P4HA1: variants seen among roughly 807,000 people sequenced by gnomAD.
P4HA1 encodes the protein prolyl 4-hydroxylase subunit alpha 1.
P4HA1 carries 24 observed loss-of-function variants against 72.8 expected under a neutral mutation model. The observed-to-expected ratio is 0.33, with a 90% CI of 0.24 to 0.46. The LOEUF (loss-of-function observed/expected upper bound fraction) is 0.46, where lower values mean the gene tolerates loss of function less well. Ranked by LOEUF, P4HA1 falls within the 20% of genes least tolerant of loss-of-function variation. The pLI is 1.00. For synonymous variants in P4HA1, 201 were observed against 218.8 expected, an observed-to-expected ratio of 0.92 and a Z score of 0.72; for missense variants, 446 against 640.6, an observed-to-expected ratio of 0.70 and a Z score of 3.28.
chr10:73,081,013 G>C (rs1841809123), intron 1 of P4HA1, among the ~76,000 whole-genome samples: 1 of 152,170 alleles, frequency 6.6e-6, no homozygotes, highest in Non-Finnish European at 1.5e-5. Context: ...AGCTTGCAAA[G>C]AGAATCATTA....
At chr10:73,095,974 C>T (rs1842155554) in intron 1 of P4HA1, among the ~76,000 whole-genome samples, 1 of 152,178 alleles carries the variant, frequency 6.6e-6, no homozygotes, top group Non-Finnish European at 1.5e-5. Context: ...ATTTGTTGGA[C>T]TGATGTGGAC....
chr10:73,051,385 T>C (rs1589604459), intron 6 of P4HA1, 136 bp from the exon 7 acceptor site: 2 of 571,146 alleles, frequency 3.5e-6, no homozygotes. Flanking sequence ...AAGGAGGCAC[T>C]AATAAAAATT....
intron 3 of P4HA1, 72 bp from the exon 4 acceptor site, chr10:73,072,252 G>GA (rs1231725892): frequency 5.4e-5 from 67 of 1,246,100 alleles, no homozygotes; most frequent in Non-Finnish European, 6.5e-5. Flanking sequence ...GAAACGCTCA[G>GA]AAAAAAAATG....
rs1209649493 is a variant in P4HA1, at chr10:73,021,440, G to C, written c.1249-4541C>G. Among the ~76,000 whole-genome samples, 4 of 152,278 alleles carry C rather than the reference G, an allele frequency of 2.6e-5. No individual in the cohort carries two copies. The East Asian group carries it at 5.8e-4, about 22-fold the overall frequency. ...CTAAGTGTCCATCAACAGATGAATG[G>C]ATAAAGAAAATGTGGTGCTTATATA... On this transcript the variant is annotated intron_variant, in intron 10 of 14. Transcript: ENST00000394890.
chr10:73,073,202 C>G (rs1367714612), intron 3 of P4HA1, among the ~76,000 whole-genome samples: 1 of 147,864 alleles, frequency 6.8e-6, no homozygotes, highest in African/African-American at 2.5e-5. Flanking sequence ...CAGTCAGCTT[C>G]CTGTATCCAT....
intron 5 of P4HA1, among the ~76,000 whole-genome samples, chr10:73,054,121 G>T (rs1376586377): frequency 6.6e-6 from 1 of 152,046 alleles, no homozygotes; most frequent in Non-Finnish European, 1.5e-5. Context: ...GATCAGGCTG[G>T]TCTCGAACTC....
intron 1 of P4HA1, among the ~76,000 whole-genome samples, chr10:73,084,572 C>T (rs1366635301): frequency 1.3e-5 from 2 of 152,162 alleles, no homozygotes; most frequent in African/African-American, 4.8e-5. Flanking sequence ...CCTGAGCCTC[C>T]CAATGTGCTG....
intron 1 of P4HA1, among the ~76,000 whole-genome samples, chr10:73,076,237 G>T (rs1034208928): frequency 3.2e-4 from 48 of 151,988 alleles, no homozygotes; most frequent in Admixed American, 1.7e-3. Flanking sequence ...GACTTAGTTT[G>T]TTTTTTTAAG....
At chr10:73,012,916 C>T (rs1216809042) in intron 12 of P4HA1, among the ~76,000 whole-genome samples, 2 of 152,160 alleles carry the variant, frequency 1.3e-5, no homozygotes, top group Non-Finnish European at 2.9e-5. Flanking sequence ...GTGCCTCAGC[C>T]TCCTGAGTAG....
intron 12 of P4HA1, among the ~76,000 whole-genome samples, chr10:73,011,802 C>T (rs944389873): frequency 2.0e-5 from 3 of 151,802 alleles, no homozygotes; most frequent in Non-Finnish European, 4.4e-5. Flanking sequence ...ACACAGAACA[C>T]AAAAATGTAA....
chr10:73,008,472 C>A (rs1248300852), intron 14 of P4HA1, among the ~76,000 whole-genome samples, 180 bp from the exon 15 acceptor site: 1 of 152,146 alleles, frequency 6.6e-6, no homozygotes, highest in Non-Finnish European at 1.5e-5. Context: ...ATTTTATATA[C>A]CTATATACAT....
intron 10 of P4HA1, among the ~76,000 whole-genome samples, chr10:73,019,468 T>A (rs1428180286): frequency 3.3e-5 from 5 of 151,924 alleles, no homozygotes; most frequent in East Asian, 3.9e-4. Context: ...CAAATAATGA[T>A]CTTAAGGAAA....
chr10:73,009,680 T>C lies in P4HA1; in HGVS notation c.1534+127A>G, dbSNP rs1412486319. The C allele has an allele frequency of 1.3e-4, 66 of 506,282 alleles. No homozygotes were observed. In the East Asian group the frequency reaches 1.9e-3, roughly 14 times the overall value. The allele number at this position is 506,282 out of a possible 1,614,324, so 31.4% of individuals were successfully genotyped here. A position where few individuals can be genotyped will look rare whatever the true frequency, so the allele number is the denominator to read the frequency against. On this transcript the variant is annotated intron_variant, in intron 14 of 14. Coordinates refer to ENST00000394890, the MANE Select transcript of P4HA1 (RefSeq NM_001017962.3). ...TATTATGATTAGGCACTTGTTTGGC[T>C]GAATCCTGTACAATGTTAAAATCAT... is the stretch of plus-strand genomic sequence containing the variant.
At chr10:73,092,485 A>G (rs1842056818) in intron 1 of P4HA1, among the ~76,000 whole-genome samples, 1 of 149,878 alleles carries the variant, frequency 6.7e-6, no homozygotes, top group Non-Finnish European at 1.5e-5. Context: ...AAGTAGTTAG[A>G]CTACAGATGC....
At chr10:73,016,515 G>A (rs868677433) in intron 11 of P4HA1, among the ~76,000 whole-genome samples, 3 of 152,308 alleles carry the variant, frequency 2.0e-5, no homozygotes, top group Middle Eastern at 6.8e-3. Context: ...AGTGGCTCAC[G>A]CCTGTAATCC....
At chr10:73,081,378 C>T (rs1841819879) in intron 1 of P4HA1, among the ~76,000 whole-genome samples, 1 of 151,982 alleles carries the variant, frequency 6.6e-6, no homozygotes, top group South Asian at 2.1e-4. Context: ...TAGATAGGTT[C>T]AAAAGTGTTT....
intron 11 of P4HA1, 90 bp from the exon 12 acceptor site, chr10:73,014,379 G>T: frequency 1.1e-6 from 1 of 940,632 alleles, no homozygotes; most frequent in Non-Finnish European, 1.7e-6. Context: ...GTAATATCCT[G>T]AAGAATATGC....
At chr10:73,092,648 A>G (rs1198058863) in intron 1 of P4HA1, among the ~76,000 whole-genome samples, 1 of 149,870 alleles carries the variant, frequency 6.7e-6, no homozygotes, top group Non-Finnish European at 1.5e-5. Context: ...GTGAGCCACC[A>G]TGCCTGGGCA....
At chr10:73,069,815 T>G (rs1841509814) in intron 4 of P4HA1, among the ~76,000 whole-genome samples, 1 of 151,674 alleles carries the variant, frequency 6.6e-6, no homozygotes, top group African/African-American at 2.4e-5. Context: ...TGTTTTGTTT[T>G]TTTTTTTTTG....
Sources: gnomAD v4.1 joint callset for allele counts (sites outside exome capture counted in the v4.1 genomes callset) on GRCh38, gnomAD v4.1.1 for gene constraint, MANE v1.5 for transcripts, NCBI Gene and HGNC (gene_info 2026-07-23, HGNC 2026-07-21) for gene names.